The following MBTD1 variants were observed in gnomAD, a reference collection of about 807,000 sequenced individuals.
MBTD1 encodes the protein mbt domain containing 1.
Under a neutral mutation model 87.8 loss-of-function variants are expected in MBTD1, and 24 were observed. The ratio of observed to expected loss-of-function variants is 0.27; its 90% CI spans 0.20 to 0.38. MBTD1 has a LOEUF of 0.38. Ranked by LOEUF, MBTD1 falls within the 10% of genes least tolerant of loss-of-function variation. MBTD1 has a pLI of 1.00. For synonymous variants in MBTD1, 237 were observed against 248.6 expected (o/e 0.95, Z 0.44); for missense variants, 436 against 760.2 (o/e 0.57, Z 5.02).
At chr17:51,238,220 G>A (rs1277487347) in intron 2 of MBTD1, among the ~76,000 whole-genome samples, 2 of 152,068 alleles carry the variant, frequency 1.3e-5, no homozygotes, top group Non-Finnish European at 2.9e-5. Context: ...GTTTAATTTT[G>A]TCAATTTTTA....
chr17:51,199,152 G>A (rs929667229), intron 12 of MBTD1, among the ~76,000 whole-genome samples: 1 of 152,106 alleles, frequency 6.6e-6, no homozygotes, highest in Admixed American at 6.5e-5. Flanking sequence ...AGGCTGGAGT[G>A]CAATAGCACA....
At chr17:51,232,872 T>C (rs1337081310) in intron 2 of MBTD1, among the ~76,000 whole-genome samples, 2 of 151,280 alleles carry the variant, frequency 1.3e-5, no homozygotes, top group African/African-American at 2.4e-5. Context: ...ACACTGCCTC[T>C]ACAAAAAAAT....
chr17:51,210,012 T>G lies in MBTD1; in HGVS notation c.487-3007A>C, dbSNP rs373624961. Among the ~76,000 whole-genome samples the G allele has an allele frequency of 2.0e-5, 3 of 151,962 alleles. No homozygotes were observed. The East Asian group carries it at 5.8e-4, about 29-fold the overall frequency. Reference sequence around the variant, plus strand: ...GCCTTCTCCATAAAGTCCACTCACCTTTTTTTTGAGACAGAGTCTTACTCT... The same window carrying G: ...GCCTTCTCCATAAAGTCCACTCACCGTTTTTTTGAGACAGAGTCTTACTCT... On this transcript the variant is annotated intron_variant, in intron 6 of 16. Coordinates refer to ENST00000586178, the MANE Select transcript of MBTD1 (RefSeq NM_017643.3).
intron 5 of MBTD1, among the ~76,000 whole-genome samples, chr17:51,217,891 C>G (rs1459201984): frequency 1.3e-5 from 2 of 152,190 alleles, no homozygotes; most frequent in Non-Finnish European, 2.9e-5. Flanking sequence ...GCCACCACGC[C>G]TGGCCAGGAG....
At chr17:51,204,051 G>C (rs2051656849) in intron 7 of MBTD1, 126 bp from the exon 8 acceptor site, 3 of 736,000 alleles carry the variant, frequency 4.1e-6, no homozygotes, top group Non-Finnish European at 6.7e-6. Flanking sequence ...TTTGTTAACA[G>C]ACAGATGGCT....
chr17:51,200,411 CA>C (rs2051393883), intron 12 of MBTD1, among the ~76,000 whole-genome samples: 1 of 151,308 alleles, frequency 6.6e-6, no homozygotes, highest in Admixed American at 6.6e-5. Flanking sequence ...ACAACAACAA[CA>C]AAAAAACTGG....
At chr17:51,240,885 ATTATACT>A (rs999733742) in intron 2 of MBTD1, among the ~76,000 whole-genome samples, 1 of 152,082 alleles carries the variant, frequency 6.6e-6, no homozygotes, top group Non-Finnish European at 1.5e-5. Context: ...TGCCCTCAGG[ATTATACT>A]TAGGTTGCAC....
chr17:51,216,323 A>G lies in MBTD1; in HGVS notation c.486+1011T>C, dbSNP rs191733518. Among the ~76,000 whole-genome samples the G allele has an allele frequency of 3.4e-4, 52 of 152,348 alleles. No homozygotes were observed. In the East Asian group the frequency reaches 8.1e-3, roughly 24 times the overall value. On this transcript the variant is annotated intron_variant, in intron 6 of 16. Coordinates refer to ENST00000586178, the MANE Select transcript of MBTD1 (RefSeq NM_017643.3). ...CTTCTTAAACATGTATAGCAGCAGAAAAGATCTTTAAGTATTAATTAAAGT... is the reference window on the plus strand; with the variant it reads ...CTTCTTAAACATGTATAGCAGCAGAGAAGATCTTTAAGTATTAATTAAAGT...
At chr17:51,184,201 T>C (rs1164834369) in intron 16 of MBTD1, 1 of 152,250 alleles carries the variant, frequency 6.6e-6, no homozygotes, top group Non-Finnish European at 1.5e-5. Context: ...CCTGTCTGGT[T>C]ATCTTCACAT....
At chr17:51,204,989 A>G (rs1290236218) in intron 7 of MBTD1, among the ~76,000 whole-genome samples, 2 of 152,210 alleles carry the variant, frequency 1.3e-5, no homozygotes, top group African/African-American at 2.4e-5. Context: ...GTTAAAAACT[A>G]TGTCTTAGGC....
At chr17:51,198,517 T>A (rs982968124) in intron 12 of MBTD1, among the ~76,000 whole-genome samples, 2 of 152,198 alleles carry the variant, frequency 1.3e-5, no homozygotes, top group Admixed American at 1.3e-4. Context: ...CCCACTTACA[T>A]GGGATTCCTT....
Position 51,217,371 on chromosome 17 carries a change from T to G in MBTD1, c.449A>C (p.Asn150Thr). 2.6e-6 allele frequency: 4 copies of G among 1,540,756 alleles called. No individual in the cohort carries two copies. The highest frequency in any genetic ancestry group is 3.5e-6 in the Non-Finnish European group (4 of 1,142,622). ...GGTAACCGGAGCTGCTATAAAGCTATTGCTATTGATGTAGTTACCCCAGCT... is the reference window on the plus strand; with the variant it reads ...GGTAACCGGAGCTGCTATAAAGCTAGTGCTATTGATGTAGTTACCCCAGCT... The part of the protein sequence containing the change: ...GFSWGNYINS[N>T]SFIAAPVTCF... The change falls in exon 6 of 17, where the codon AAT becomes ACT. Residue 150 changes from asparagine to threonine, a missense_variant. Physicochemically the swap from Asn to Thr is moderately conservative, Grantham distance 65 (BLOSUM62 0). This residue lies in a region of MBTD1 where 268 missense variants were observed against 401.8 expected (regional missense o/e 0.67). Coordinates refer to ENST00000586178, the MANE Select transcript of MBTD1 (RefSeq NM_017643.3).
chr17:51,259,806 A>C (rs2055362289), intron 1 of MBTD1, 29 bp downstream of exon 1: 1 of 1,232,424 alleles, frequency 8.1e-7, no homozygotes, highest in African/African-American at 1.6e-5. Context: ...CACCTGGCAC[A>C]CAAAGCGGCT....
Position 51,192,274 on chromosome 17 carries a change from C to T in MBTD1, c.1697G>A (p.Arg566Lys). 1 of 1,550,290 alleles carries T rather than the reference C, an allele frequency of 6.5e-7. No homozygotes were observed. ...TTTTGATGAAGCTGATTGGTTTTCT[C>T]TTGATGCTGAAAAATAAAAAGGGAA... is the stretch of plus-strand genomic sequence containing the variant. Reference protein sequence around the residue: ...QLQPPASQSSRENQSASSKQK... With the variant: ...QLQPPASQSSKENQSASSKQK... Residue 566 changes from arginine to lysine, a missense_variant, in exon 16 of 17, where the codon AGA becomes AAA. Coordinates refer to ENST00000586178, the MANE Select transcript of MBTD1 (RefSeq NM_017643.3).
At chr17:51,180,791 GACTTCTTC>G (rs1809488639) in intron 16 of MBTD1, 97 bp from the exon 17 acceptor site, 1 of 688,788 alleles carries the variant, frequency 1.5e-6, no homozygotes, top group Admixed American at 2.8e-5. Context: ...CAGTTATTAA[GACTTCTTC>G]ATTTCTTCAG....
At chr17:51,231,266 C>T (rs2053537393) in intron 2 of MBTD1, among the ~76,000 whole-genome samples, 1 of 152,102 alleles carries the variant, frequency 6.6e-6, no homozygotes, top group African/African-American at 2.4e-5. Context: ...TTCATATAGG[C>T]TTGTCTACTA....
chr17:51,188,490 C>G (rs2050647596), intron 16 of MBTD1, among the ~76,000 whole-genome samples: 1 of 152,132 alleles, frequency 6.6e-6, no homozygotes, highest in Non-Finnish European at 1.5e-5. Flanking sequence ...GCAACAGAGC[C>G]AGAATATGAT....
At chr17:51,228,639 G>A (rs953102342) in intron 2 of MBTD1, among the ~76,000 whole-genome samples, 20 of 151,566 alleles carry the variant, frequency 1.3e-4, no homozygotes, top group South Asian at 4.2e-4. Flanking sequence ...GGCTGGGCGC[G>A]GTGGGTCACG....
chr17:51,238,851 G>A (rs143518163), intron 2 of MBTD1, among the ~76,000 whole-genome samples: 3 of 152,296 alleles, frequency 2.0e-5, no homozygotes, highest in East Asian at 3.9e-4. Context: ...TGTAATCCCA[G>A]AACTTTGGGA....
Sources: gnomAD v4.1 joint callset for allele counts (sites outside exome capture counted in the v4.1 genomes callset) on GRCh38, gnomAD v4.1.1 for gene constraint, gnomAD v4.1.1 regional missense constraint, MANE v1.5 for transcripts, NCBI Gene and HGNC (gene_info 2026-07-23, HGNC 2026-07-21) for gene names.